Variants in USP54 observed in about 807,000 individuals in gnomAD.
USP54 encodes the protein ubiquitin specific peptidase 54.
Under a neutral mutation model 170.5 loss-of-function variants are expected in USP54, and 87 were observed. The observed-to-expected ratio is 0.51, with a 90% CI of 0.43 to 0.61. USP54 has a LOEUF of 0.61. USP54 is among the 20% of genes least tolerant of loss of function. The pLI is 0.00. For missense variants in USP54, 1,786 were observed against 2,047.8 expected (o/e 0.87, Z 2.47); for synonymous variants, 655 against 742.8 (o/e 0.88, Z 1.92).
At chr10:73,609,239 C>A (rs1013694300) in intron 1 of USP54, among the ~76,000 whole-genome samples, 1 of 152,130 alleles carries the variant, frequency 6.6e-6, no homozygotes, top group African/African-American at 2.4e-5. Context: ...CAAAAAAGAA[C>A]CAAAGAACTA....
chr10:73,569,939 A>C (rs1409100186), intron 4 of USP54, among the ~76,000 whole-genome samples: 3 of 137,178 alleles, frequency 2.2e-5, no homozygotes, highest in African/African-American at 6.0e-5. Flanking sequence ...AAAAAAAAAA[A>C]ACACCCTCCA....
rs2066572018 is a variant in USP54, at chr10:73,541,391, C to T, written c.809G>A (p.Cys270Tyr). 6.2e-7 allele frequency: 1 copy of T among 1,614,136 alleles called. No individual in the cohort carries two copies. The highest frequency in any genetic ancestry group is 2.2e-5 in the East Asian group (1 of 44,886). Residue 270 changes from cysteine to tyrosine, a missense_variant, in exon 9 of 24, where the codon TGC (cysteine) becomes TAC (tyrosine). Physicochemically the swap from Cys to Tyr is radical, Grantham distance 194. Around this residue, in one of 3 missense-constraint regions of USP54, gnomAD observed 361 missense variants for 455.0 expected, o/e 0.79. Transcript: ENST00000687698. ...AEDVIHSLGT[C>Y]LKLGDLFFRV... ...AACACGCACATCACCCAGCTTAAGG[C>T]AGGTTCCCAGGCTGTGGATAACATC...
intron 20 of USP54, among the ~76,000 whole-genome samples, chr10:73,515,076 T>C (rs1321838794): frequency 2.0e-5 from 3 of 151,920 alleles, no homozygotes; most frequent in African/African-American, 4.8e-5. Flanking sequence ...TCAAATCTTA[T>C]ATTTATGTGG....
intron 1 of USP54, among the ~76,000 whole-genome samples, chr10:73,603,401 G>C (rs1267897650): frequency 3.9e-5 from 6 of 152,142 alleles, no homozygotes; most frequent in African/African-American, 1.4e-4. Flanking sequence ...ATTCTGATAA[G>C]GGGCTAATAT....
chr10:73,534,752 G>C lies in USP54; in HGVS notation c.1163C>G (p.Ser388Ter). 1.2e-6 allele frequency: 2 copies of C among 1,613,980 alleles called. No homozygotes were observed. Among genetic ancestry groups the C allele is most frequent in the Non-Finnish European group, 1.7e-6 (2 of 1,179,898 alleles). The change falls in exon 12 of 24, where the codon TCA (serine) becomes TGA (stop). Residue 388 changes from serine (S) to a stop codon, truncating the protein, a stop_gained. Transcript: ENST00000687698. LOFTEE classifies it high-confidence loss of function. ...SEDSGREPSI[S>*]SDTRTDSSTE... Reference sequence around the variant, plus strand: ...TGAGGAATCTGTTCGAGTGTCACTTGAGATGGAGGGCTCCCTCCCTGAGAG... The same window carrying C: ...TGAGGAATCTGTTCGAGTGTCACTTCAGATGGAGGGCTCCCTCCCTGAGAG...
Position 73,539,504 on chromosome 10 carries a change from T to C in USP54, c.915A>G (p.Thr305=). The C allele has an allele frequency of 6.2e-7, 1 of 1,610,968 alleles. No individual in the cohort carries two copies. Among genetic ancestry groups the C allele is most frequent in the Non-Finnish European group, 8.5e-7 (1 of 1,177,926 alleles). ...MICYYGKHYS[T]FFFQTKIRKW... is the part of the protein sequence containing the mutation. ...TGCGAATCTTTGTTTGAAAAAAGAA[T>C]GTAGAATAATGTTTGCCATAGTAAC... The change falls in exon 10 of 24, where the codon ACA becomes ACG. Residue 305 remains threonine, a synonymous_variant. Coordinates refer to ENST00000687698, the MANE Select transcript of USP54 (RefSeq NM_001391956.1).
intron 1 of USP54, among the ~76,000 whole-genome samples, chr10:73,585,527 C>A (rs906340085): frequency 6.6e-6 from 1 of 152,146 alleles, no homozygotes; most frequent in African/African-American, 2.4e-5. Flanking sequence ...TGTGAATTAA[C>A]TGAGTGAGAA....
At chr10:73,533,559 A>C (rs1014374705) in intron 12 of USP54, among the ~76,000 whole-genome samples, 1 of 151,694 alleles carries the variant, frequency 6.6e-6, no homozygotes, top group African/African-American at 2.4e-5. Context: ...ATTTAAAAAA[A>C]AAAAAAGCCC....
At chr10:73,604,107 T>C (rs980891647) in intron 1 of USP54, among the ~76,000 whole-genome samples, 2 of 151,508 alleles carry the variant, frequency 1.3e-5, no homozygotes, top group African/African-American at 4.9e-5. Flanking sequence ...AAATTAGCCG[T>C]GTGTGGTGGT....
intron 1 of USP54, among the ~76,000 whole-genome samples, chr10:73,614,621 G>GATA (rs2080468348): frequency 6.8e-6 from 1 of 147,992 alleles, no homozygotes; most frequent in African/African-American, 2.6e-5. Context: ...ACAAATGGTG[G>GATA]ATATATGGCA....
intron 19 of USP54, chr10:73,518,650 G>A (rs1251160659): frequency 3.3e-5 from 5 of 151,638 alleles, no homozygotes; most frequent in Non-Finnish European, 7.4e-5. Context: ...AATATGGGAA[G>A]CCCAATCATA....
Position 73,521,173 on chromosome 10 carries a change from C to A in USP54, c.2363-146G>T, listed in dbSNP as rs949518912. 14 of 1,193,024 alleles carry A rather than the reference C, an allele frequency of 1.2e-5. No individual in the cohort carries two copies. The African/African-American group carries it at 2.1e-4, about 18-fold the overall frequency. The allele number at this position is 1,193,024 out of a possible 1,614,324, so 73.9% of individuals were successfully genotyped here. ...ACTGTCTATTCCTATTAAGAATTAT[C>A]TGAAAACAAGCAGGACATCCATTTT... On this transcript the variant is annotated intron_variant, in intron 17 of 23. Transcript: ENST00000687698.
At chr10:73,596,259 T>C (rs1372160481), upstream of USP54, among the ~76,000 whole-genome samples, 1 of 151,566 alleles carries the variant, frequency 6.6e-6, no homozygotes, top group African/African-American at 2.4e-5. Context: ...CCATCTCTAC[T>C]AAAAATACAA....
intron 12 of USP54, among the ~76,000 whole-genome samples, chr10:73,534,143 T>G (rs1482620253): frequency 1.3e-5 from 2 of 152,226 alleles, no homozygotes; most frequent in Non-Finnish European, 2.9e-5. Flanking sequence ...CCCATTGAAT[T>G]GCCCAAATTC....
At chr10:73,578,942 CTTTTT>C (rs34362461) in intron 1 of USP54, among the ~76,000 whole-genome samples, 3 of 133,990 alleles carry the variant, frequency 2.2e-5, no homozygotes, top group Non-Finnish European at 3.2e-5. Context: ...GCAAAGATTC[CTTTTT>C]TTTTTTTTTT....
chr10:73,542,185 G>A (rs753602288), intron 7 of USP54, among the ~76,000 whole-genome samples: 49 of 152,150 alleles, frequency 3.2e-4, no homozygotes, highest in Non-Finnish European at 6.8e-4. Context: ...AGAAACCTCC[G>A]CCTCCTGGGT....
At chr10:73,607,509 G>A (rs57722556) in intron 1 of USP54, among the ~76,000 whole-genome samples, 7,765 of 151,976 alleles carry the variant, frequency 0.051, 603 homozygotes, top group African/African-American at 0.17. Flanking sequence ...ATTCAAAAGG[G>A]TGGAAATACG....
chr10:73,519,682 C>T, intron 19 of USP54, 115 bp downstream of exon 19: 2 of 1,475,228 alleles, frequency 1.4e-6, no homozygotes, highest in Non-Finnish European at 1.8e-6. Context: ...AAAATCTTTT[C>T]AGAGGACTCC....
intron 11 of USP54, 200 bp downstream of exon 11, chr10:73,536,069 G>T: frequency 1.5e-6 from 1 of 648,622 alleles, no homozygotes; most frequent in Non-Finnish European, 2.6e-6. Context: ...AGTGATTTAG[G>T]CAACACTGTT....
Sources: allele counts gnomAD v4.1 joint callset (sites outside exome capture counted in the v4.1 genomes callset), GRCh38; gene constraint gnomAD v4.1.1; regional missense constraint gnomAD v4.1.1; transcripts MANE v1.5; gene names NCBI Gene and HGNC (gene_info 2026-07-23, HGNC 2026-07-21).